EFCAB6: variants seen among roughly 807,000 people sequenced by gnomAD.
EFCAB6 encodes EF-hand calcium binding domain 6, also known as EF-hand calcium-binding domain-containing protein 6.
Under a neutral mutation model 169.8 loss-of-function variants are expected in EFCAB6, and 156 were observed. The ratio of observed to expected loss-of-function variants is 0.92; its 90% CI spans 0.81 to 1.05. The LOEUF (loss-of-function observed/expected upper bound fraction) is 1.05, where lower values mean the gene tolerates loss of function less well. Among genes scored for constraint, EFCAB6 ranks in the 50% least tolerant of loss-of-function variants. EFCAB6 has a pLI of 0.00. For missense variants in EFCAB6, 1,800 were observed against 1,829.1 expected (o/e 0.98, Z 0.29); for synonymous variants, 698 against 676.4 (o/e 1.03, Z -0.50).
intron 8 of EFCAB6, among the ~76,000 whole-genome samples, chr22:43,718,246 A>G (rs1031940600): frequency 6.6e-6 from 1 of 152,252 alleles, no homozygotes; most frequent in Non-Finnish European, 1.5e-5. Context: ...AGAGAATGAA[A>G]TAAATCTAAA....
rs137802 is a variant in EFCAB6, at chr22:43,690,343, C to CAAAAA, written c.1032-2767_1032-2763dup. Among the ~76,000 whole-genome samples, 22 of 95,838 alleles carry CAAAAA rather than the reference C, an allele frequency of 2.3e-4. 1 individual carries two copies. Among genetic ancestry groups the CAAAAA allele is most frequent in the African/African-American group, 6.6e-4 (16 of 24,212 alleles). The allele number at this position is 95,838 out of a possible 152,430, so 62.9% of individuals were successfully genotyped here. A position where few individuals can be genotyped will look rare whatever the true frequency, so the allele number is the denominator to read the frequency against. On this transcript the variant is annotated intron_variant, in intron 10 of 31. Transcript: ENST00000262726. Reference sequence around the variant, plus strand: ...TGAAACCCCGTCTCTACTAAAAATACAAAAAAAAAAAAAAAAAAAAAAATT... The same window carrying CAAAAA: ...TGAAACCCCGTCTCTACTAAAAATACAAAAAAAAAAAAAAAAAAAAAAAAAAAATT...
intron 18 of EFCAB6, among the ~76,000 whole-genome samples, chr22:43,633,271 C>G (rs2055115687): frequency 6.6e-6 from 1 of 152,212 alleles, no homozygotes; most frequent in East Asian, 1.9e-4. Flanking sequence ...CCATGTCGGC[C>G]AGGCACGTTG....
intron 26 of EFCAB6, among the ~76,000 whole-genome samples, chr22:43,559,194 G>C (rs529909786): frequency 2.6e-4 from 39 of 152,122 alleles, no homozygotes; most frequent in Non-Finnish European, 4.3e-4. Flanking sequence ...ATCAAAAAGT[G>C]GGCAAAGGAT....
At chr22:43,622,907 A>G (rs1242754971) in intron 20 of EFCAB6, among the ~76,000 whole-genome samples, 2 of 152,216 alleles carry the variant, frequency 1.3e-5, no homozygotes, top group Non-Finnish European at 2.9e-5. Context: ...AAAGAAGACA[A>G]CGACACCATG....
intron 15 of EFCAB6, among the ~76,000 whole-genome samples, chr22:43,670,715 A>G (rs2057452930): frequency 6.6e-6 from 1 of 152,258 alleles, no homozygotes; most frequent in Admixed American, 6.5e-5. Context: ...TGAACAAACC[A>G]GAACAACGCC....
At chr22:43,800,703 C>T (rs1021205006) in intron 2 of EFCAB6, among the ~76,000 whole-genome samples, 2 of 151,876 alleles carry the variant, frequency 1.3e-5, no homozygotes, top group South Asian at 2.1e-4. Context: ...AATTCATTAA[C>T]GGCTACCAAC....
chr22:43,770,376 T>A (rs1361737209), intron 4 of EFCAB6, among the ~76,000 whole-genome samples: 1 of 152,242 alleles, frequency 6.6e-6, no homozygotes, highest in East Asian at 1.9e-4. Context: ...GCCAGGGAAA[T>A]AAGACCCCTC....
chr22:43,546,100 A>G (rs1006639092), intron 27 of EFCAB6, among the ~76,000 whole-genome samples: 3 of 152,264 alleles, frequency 2.0e-5, no homozygotes, highest in Admixed American at 1.3e-4. Flanking sequence ...ATGAAAGGCA[A>G]TGTATAAAAT....
intron 26 of EFCAB6, among the ~76,000 whole-genome samples, chr22:43,574,965 G>C (rs968200049): frequency 6.6e-6 from 1 of 152,180 alleles, no homozygotes; most frequent in Non-Finnish European, 1.5e-5. Flanking sequence ...GGCCGTTTCT[G>C]GGAAGCTGAA....
chr22:43,653,859 C>G (rs1035454201), intron 17 of EFCAB6, among the ~76,000 whole-genome samples: 13 of 151,956 alleles, frequency 8.6e-5, no homozygotes, highest in Admixed American at 2.6e-4. Context: ...TGAATATCCC[C>G]TAAAAATCCC....
intron 24 of EFCAB6, among the ~76,000 whole-genome samples, chr22:43,585,928 G>A (rs2051036614): frequency 6.6e-6 from 1 of 152,118 alleles, no homozygotes; most frequent in Non-Finnish European, 1.5e-5. Flanking sequence ...AGTATTCTCT[G>A]TCAGAAATAA....
chr22:43,709,831 T>TG (rs1214811979), intron 10 of EFCAB6, among the ~76,000 whole-genome samples: 2 of 152,188 alleles, frequency 1.3e-5, no homozygotes, highest in East Asian at 3.8e-4. Context: ...TTCTGAGCCA[T>TG]GGAAACATTT....
chr22:43,659,725 G>C (rs1186719398), intron 17 of EFCAB6, among the ~76,000 whole-genome samples: 1 of 152,148 alleles, frequency 6.6e-6, no homozygotes, highest in Non-Finnish European at 1.5e-5. Flanking sequence ...GATTAGGGTC[G>C]TGTCCCCAAG....
chr22:43,738,672 C>A (rs1040905936), intron 6 of EFCAB6, among the ~76,000 whole-genome samples: 1 of 152,138 alleles, frequency 6.6e-6, no homozygotes, highest in Admixed American at 6.5e-5. Flanking sequence ...CACACCATCA[C>A]ACACACTTGC....
At chr22:43,769,254 C>T (rs1287548455) in intron 4 of EFCAB6, among the ~76,000 whole-genome samples, 1 of 152,018 alleles carries the variant, frequency 6.6e-6, no homozygotes, top group Non-Finnish European at 1.5e-5. Flanking sequence ...TTGTATGACT[C>T]CATTGATATG....
chr22:43,658,790 T>C (rs2056870665), intron 17 of EFCAB6, among the ~76,000 whole-genome samples: 2 of 151,844 alleles, frequency 1.3e-5, no homozygotes, highest in South Asian at 4.2e-4. Context: ...AAACTGAAGA[T>C]GTGAGGGACC....
chr22:43,554,538 C>G (rs1393339438), intron 27 of EFCAB6: 1 of 296,362 alleles, frequency 3.4e-6, no homozygotes, highest in African/African-American at 2.2e-5. Flanking sequence ...AACACTGGCC[C>G]CAGATAGTTG....
At chr22:43,728,151 G>C (rs1422853155) in intron 8 of EFCAB6, among the ~76,000 whole-genome samples, 1 of 152,112 alleles carries the variant, frequency 6.6e-6, no homozygotes, top group Non-Finnish European at 1.5e-5. Flanking sequence ...CAATGAGTGA[G>C]AACATGCGGT....
chr22:43,581,146 T>A (rs2050695118), intron 24 of EFCAB6, among the ~76,000 whole-genome samples: 1 of 152,138 alleles, frequency 6.6e-6, no homozygotes, highest in African/African-American at 2.4e-5. Context: ...AGCAGCAGTC[T>A]GGATGGGGGG....
Sources: allele counts gnomAD v4.1 joint callset (sites outside exome capture counted in the v4.1 genomes callset), GRCh38; gene constraint gnomAD v4.1.1; transcripts MANE v1.5; gene names NCBI Gene and HGNC (gene_info 2026-07-23, HGNC 2026-07-21).